The following DLGAP2 variants were observed in gnomAD, a reference collection of about 807,000 sequenced individuals.
DLGAP2 encodes the protein DLG associated protein 2, also known as disks large-associated protein 2.
DLGAP2 carries 26 observed loss-of-function variants against 100.3 expected under a neutral mutation model. The ratio of observed to expected loss-of-function variants is 0.26; its 90% CI spans 0.19 to 0.36. The LOEUF is 0.36. Among genes scored for constraint, DLGAP2 ranks in the 10% least tolerant of loss-of-function variants. The pLI is 1.00. For missense variants in DLGAP2, 1,858 were observed against 1,453.2 expected, an observed-to-expected ratio of 1.28 and a Z score of -4.53; for synonymous variants, 886 against 630.1, an observed-to-expected ratio of 1.41 and a Z score of -6.08.
In DLGAP2 at chr8:1,658,525, T is replaced by C. The variant is rs1258642804; in HGVS notation, c.1811-9804T>C. 2.0e-5 allele frequency among the ~76,000 whole-genome samples: 3 copies of C among 152,182 alleles called. No individual in the cohort carries two copies. In the East Asian group the frequency reaches 5.8e-4, roughly 29 times the overall value. On this transcript the variant is annotated intron_variant, in intron 8 of 14. Transcript: ENST00000637795. ...TAATTACTGCCTATTTCAGAACTTG[T>C]TATTGCTCTATTCAGGGATTCCACT...
chr8:1,552,077 G>C (rs1464601655), intron 5 of DLGAP2, among the ~76,000 whole-genome samples: 1 of 152,086 alleles, frequency 6.6e-6, no homozygotes, highest in Non-Finnish European at 1.5e-5. Context: ...GGTCATTCCA[G>C]ACACTCTGGT....
At chr8:1,126,175 C>G (rs1441195925) in intron 2 of DLGAP2, among the ~76,000 whole-genome samples, 2 of 152,216 alleles carry the variant, frequency 1.3e-5, no homozygotes, top group Admixed American at 1.3e-4. Flanking sequence ...GATGGGCCAC[C>G]TGCTCCACCT....
At chr8:1,253,169 G>T (rs896008175) in intron 2 of DLGAP2, among the ~76,000 whole-genome samples, 1 of 152,228 alleles carries the variant, frequency 6.6e-6, no homozygotes, top group Non-Finnish European at 1.5e-5. Flanking sequence ...CAGGAAAGCG[G>T]TACCCATCCC....
chr8:1,430,782 G>C lies in DLGAP2; in HGVS notation c.107-70584G>C, dbSNP rs149053604. On this transcript the variant is annotated intron_variant, in intron 3 of 14. Transcript: ENST00000637795. The stretch of plus-strand genomic sequence containing the variant: ...TCCAAAAATAAGATGAACAGTTATT[G>C]AAACATCCTTTGTTAGTCTTTAAAG... Among the ~76,000 whole-genome samples the C allele has an allele frequency of 1.0e-3, 159 of 152,304 alleles. No homozygotes were observed. In the East Asian group the frequency reaches 0.017, roughly 16 times the overall value.
At chr8:1,092,305 C>T (rs1804211264) in intron 2 of DLGAP2, among the ~76,000 whole-genome samples, 1 of 152,248 alleles carries the variant, frequency 6.6e-6, no homozygotes, top group Non-Finnish European at 1.5e-5. Context: ...GGCACCTCCA[C>T]AGCCCTCTGC....
At chr8:1,516,195 A>G (rs1473276608) in intron 4 of DLGAP2, among the ~76,000 whole-genome samples, 1 of 150,924 alleles carries the variant, frequency 6.6e-6, no homozygotes, top group African/African-American at 2.4e-5. Context: ...CTGAGTGAGA[A>G]TGAGTGAATG....
chr8:1,445,245 C>T (rs187452362), intron 3 of DLGAP2, among the ~76,000 whole-genome samples: 2 of 101,624 alleles, frequency 2.0e-5, no homozygotes, highest in South Asian at 4.9e-4. Flanking sequence ...CCCCTCCCCC[C>T]ACCCCACAAC....
intron 1 of DLGAP2, among the ~76,000 whole-genome samples, chr8:817,248 T>G (rs550157173): frequency 2.6e-5 from 4 of 152,232 alleles, no homozygotes; most frequent in African/African-American, 7.2e-5. Flanking sequence ...GTTTGTTCTA[T>G]TCTATTGCTG....
chr8:1,214,984 A>G (rs1029213721), intron 2 of DLGAP2, among the ~76,000 whole-genome samples: 1 of 152,096 alleles, frequency 6.6e-6, no homozygotes, highest in African/African-American at 2.4e-5. Context: ...TCGGGAGAGC[A>G]CTCTGTGCTC....
intron 2 of DLGAP2, among the ~76,000 whole-genome samples, chr8:1,043,192 TGGTGGTGGATGCG>T (rs1237833973): frequency 3.2e-5 from 1 of 31,368 alleles, no homozygotes. Context: ...TGGTGGGTGT[TGGTGGTGGATGCG>T]GGTGGTGGGT....
chr8:1,331,724 C>T (rs118059527), intron 3 of DLGAP2, among the ~76,000 whole-genome samples: 4 of 152,322 alleles, frequency 2.6e-5, no homozygotes, highest in African/African-American at 7.2e-5. Context: ...GTCCTTCCGA[C>T]GTTTAAAACG....
intron 2 of DLGAP2, among the ~76,000 whole-genome samples, chr8:924,324 C>T (rs959652200): frequency 3.3e-5 from 5 of 152,146 alleles, no homozygotes; most frequent in East Asian, 3.9e-4. Flanking sequence ...TTTTTGGAGG[C>T]GAGAGGGCAG....
chr8:1,034,165 G>T (rs1802064191), intron 2 of DLGAP2, among the ~76,000 whole-genome samples: 1 of 30,192 alleles, frequency 3.3e-5, no homozygotes, highest in Non-Finnish European at 5.6e-5. Context: ...CGCTCATCCC[G>T]ACCCCGCGTG....
At position 1,011,137 on chromosome 8, in the gene DLGAP2, C is replaced by T. The variant is rs538203871; in HGVS notation, c.73+103171C>T. Among the ~76,000 whole-genome samples, 3 of 147,214 alleles carry T rather than the reference C, an allele frequency of 2.0e-5. No individual in the cohort carries two copies. In the South Asian group the frequency reaches 6.5e-4, roughly 32 times the overall value. ...GTGAGCCCGGGCGAAGGGCCTCAGTCTACACAGTGAGCTCTGGAATGAGGG... is the reference window on the plus strand; with the variant it reads ...GTGAGCCCGGGCGAAGGGCCTCAGTTTACACAGTGAGCTCTGGAATGAGGG... On this transcript the variant is annotated intron_variant, in intron 2 of 14. Transcript: ENST00000637795.
chr8:1,198,092 CTGTG>C (rs58627103), intron 2 of DLGAP2, among the ~76,000 whole-genome samples: 1 of 150,970 alleles, frequency 6.6e-6, no homozygotes, highest in South Asian at 2.1e-4. Flanking sequence ...CTGTGTGGTT[CTGTG>C]TGTGTGTGTG....
rs375712088 is a variant in DLGAP2 at position 1,092,617 on chromosome 8, C to G, written c.74-166234C>G. Among the ~76,000 whole-genome samples, 9 of 152,316 alleles carry G rather than the reference C, an allele frequency of 5.9e-5. 1 individual carries two copies. The South Asian group carries it at 6.2e-4, about 11-fold the overall frequency. ...GTCACATGCCTCTCCAGGGACAGAG[C>G]CTTCAAGGCTGCAGACATTGATTGG... On this transcript the variant is annotated intron_variant, in intron 2 of 14. Transcript: ENST00000637795.
At chr8:1,519,292 C>T (rs563042934) in intron 4 of DLGAP2, among the ~76,000 whole-genome samples, 4 of 136,428 alleles carry the variant, frequency 2.9e-5, no homozygotes, top group Non-Finnish European at 6.2e-5. Flanking sequence ...AAGCATAGAA[C>T]CCTTGTCTAC....
intron 3 of DLGAP2, among the ~76,000 whole-genome samples, chr8:1,293,913 T>C (rs1800114150): frequency 6.6e-6 from 1 of 152,222 alleles, no homozygotes; most frequent in Admixed American, 6.5e-5. Flanking sequence ...GTCCTAAAGC[T>C]GATTGATTTT....
intron 2 of DLGAP2, among the ~76,000 whole-genome samples, chr8:1,147,364 C>A (rs1446708036): frequency 6.6e-6 from 1 of 152,024 alleles, no homozygotes; most frequent in Non-Finnish European, 1.5e-5. Context: ...TTCTAGTGAT[C>A]TTGCTACATT....
Sources: gnomAD v4.1 joint callset for allele counts (sites outside exome capture counted in the v4.1 genomes callset) on GRCh38, gnomAD v4.1.1 for gene constraint, MANE v1.5 for transcripts, NCBI Gene and HGNC (gene_info 2026-07-23, HGNC 2026-07-21) for gene names.